The following NMNAT2 variants were observed in gnomAD, a reference collection of about 807,000 sequenced individuals.
NMNAT2 encodes nicotinamide nucleotide adenylyltransferase 2.
A neutral mutation model predicts 41.6 loss-of-function variants in NMNAT2; 11 were observed. The observed-to-expected ratio is 0.26, with a 90% confidence interval of 0.17 to 0.44. The LOEUF (loss-of-function observed/expected upper bound fraction) is 0.44. Ranked by LOEUF, NMNAT2 falls within the 20% of genes least tolerant of loss-of-function variation. The pLI is 1.00. For missense variants in NMNAT2, 288 were observed against 407.7 expected (o/e 0.71, Z 2.53); for synonymous variants, 148 against 151.2 (o/e 0.98, Z 0.16).
chr1:183,416,805 G>A (rs1211870529), intron 1 of NMNAT2, among the ~76,000 whole-genome samples: 2 of 152,088 alleles, frequency 1.3e-5, no homozygotes, highest in African/African-American at 4.8e-5. Context: ...TTTAGCCTAA[G>A]CCACCTCGCC....
At chr1:183,334,291 T>C (rs566987871) in intron 1 of NMNAT2, among the ~76,000 whole-genome samples, 81 of 152,240 alleles carry the variant, frequency 5.3e-4, no homozygotes, top group Middle Eastern at 6.8e-3. Flanking sequence ...GGTCTCAGAC[T>C]CCTGACCTCA....
intron 1 of NMNAT2, among the ~76,000 whole-genome samples, chr1:183,338,535 A>G (rs946170): frequency 0.024 from 3,651 of 152,256 alleles, 134 homozygotes; most frequent in African/African-American, 0.083. Context: ...TGTTCTGATG[A>G]CTCACACGGT....
chr1:183,279,409 T>A (rs1365904351), intron 7 of NMNAT2, among the ~76,000 whole-genome samples: 3 of 152,142 alleles, frequency 2.0e-5, no homozygotes. Context: ...TGGCTCAGGG[T>A]GGAGCACAGC....
chr1:183,273,384 G>A (rs1006943003), intron 8 of NMNAT2, among the ~76,000 whole-genome samples: 1 of 152,230 alleles, frequency 6.6e-6, no homozygotes, highest in African/African-American at 2.4e-5. Flanking sequence ...ATCACTCGGG[G>A]CACCCGATAA....
At chr1:183,399,149 A>G (rs1355001037) in intron 1 of NMNAT2, among the ~76,000 whole-genome samples, 2 of 152,158 alleles carry the variant, frequency 1.3e-5, no homozygotes, top group Non-Finnish European at 2.9e-5. Context: ...GATCAACAAA[A>G]TTGATAGACC....
rs778871332 is a variant in NMNAT2, at chr1:183,252,634, G to C, written c.*7C>G. Reference sequence around the variant, plus strand: ...GGGCCATTGTGTTGCCGGAGGACGAGGGGCTGCTAGCCGGAGGCATTGATG... The same window carrying C: ...GGGCCATTGTGTTGCCGGAGGACGACGGGCTGCTAGCCGGAGGCATTGATG... On this transcript the variant is annotated 3_prime_UTR_variant, in exon 11 of 11. Coordinates refer to ENST00000287713, the MANE Select transcript of NMNAT2 (RefSeq NM_015039.4). 1.9e-6 allele frequency: 3 copies of C among 1,604,144 alleles called. No homozygotes were observed. The East Asian group carries it at 6.7e-5, about 36-fold the overall frequency.
In NMNAT2 at chr1:183,249,140, C is replaced by T. The variant is rs1287799751; in HGVS notation, c.*3501G>A. 1 of 152,182 alleles carries T rather than the reference C, an allele frequency of 6.6e-6. No individual in the cohort carries two copies. The highest frequency in any genetic ancestry group is 1.5e-5 in the Non-Finnish European group (1 of 68,038). The allele number at this position is 152,182 out of a possible 1,614,324, so 9.4% of individuals were successfully genotyped here. The stretch of plus-strand genomic sequence containing the variant: ...CAAGCTGAGACAGGAAGAACGGCGT[C>T]TCTAGAAGCTCTAGCTTTGGGTTTC... On this transcript the variant is annotated 3_prime_UTR_variant, in exon 11 of 11. Transcript: ENST00000287713.
chr1:183,326,034 AG>A (rs1028386267), intron 1 of NMNAT2, among the ~76,000 whole-genome samples: 1 of 152,150 alleles, frequency 6.6e-6, no homozygotes, highest in Non-Finnish European at 1.5e-5. Context: ...GAATCAAGAA[AG>A]GTGGTGTGAG....
At chr1:183,302,133 C>T (rs1661870149) in intron 1 of NMNAT2, among the ~76,000 whole-genome samples, 1 of 152,186 alleles carries the variant, frequency 6.6e-6, no homozygotes, top group Non-Finnish European at 1.5e-5. Flanking sequence ...CTGTGGCCTA[C>T]TAAACTGAGC....
intron 1 of NMNAT2, among the ~76,000 whole-genome samples, chr1:183,397,435 G>A (rs908187041): frequency 2.0e-5 from 3 of 152,186 alleles, no homozygotes; most frequent in Non-Finnish European, 4.4e-5. Context: ...ATCTATGTCT[G>A]ACTGGTGTGC....
intron 1 of NMNAT2, among the ~76,000 whole-genome samples, chr1:183,309,273 T>C (rs1311726867): frequency 6.6e-6 from 1 of 152,180 alleles, no homozygotes; most frequent in Non-Finnish European, 1.5e-5. Context: ...GTGCTGGAAT[T>C]ATAGGCATGA....
At chr1:183,260,489 T>A (rs999867790) in intron 10 of NMNAT2, among the ~76,000 whole-genome samples, 4 of 145,244 alleles carry the variant, frequency 2.8e-5, no homozygotes, top group Non-Finnish European at 6.1e-5. Flanking sequence ...TTAAAGCATC[T>A]AAGACTAGCT....
intron 1 of NMNAT2, among the ~76,000 whole-genome samples, chr1:183,385,114 A>G (rs1648176574): frequency 1.3e-5 from 2 of 152,142 alleles, no homozygotes; most frequent in Admixed American, 6.5e-5. Context: ...AGGCAGGATG[A>G]TCACTTGAGC....
chr1:183,272,127 G>A (rs594488), intron 8 of NMNAT2, among the ~76,000 whole-genome samples: 109,918 of 152,154 alleles, frequency 0.72, 41,126 homozygotes, highest in Middle Eastern at 0.86. Flanking sequence ...CCTACACAAC[G>A]GGTTTTGTTT....
chr1:183,403,576 C>T (rs1228880711), intron 1 of NMNAT2, among the ~76,000 whole-genome samples: 2 of 152,078 alleles, frequency 1.3e-5, no homozygotes, highest in African/African-American at 4.8e-5. Flanking sequence ...CATATGAAAC[C>T]ACAAAGAACC....
chr1:183,249,732 T>TGTGTGTGTG lies in NMNAT2; in HGVS notation c.*2908_*2909insCACACACAC, dbSNP rs59813106. The TGTGTGTGTG allele has an allele frequency of 2.6e-5, 3 of 114,898 alleles. No homozygotes were observed. Among genetic ancestry groups the TGTGTGTGTG allele is most frequent in the South Asian group, 3.0e-4 (1 of 3,310 alleles). 7.1% of individuals were successfully genotyped at this position (114,898 alleles called of 1,614,324 possible). Reference sequence around the variant, plus strand: ...GTGTGTGTGTGTGTGTGTGTGTGTGTTTGGGGGGTAGGGGGTGCGGCGATG... The same window carrying TGTGTGTGTG: ...GTGTGTGTGTGTGTGTGTGTGTGTGTGTGTGTGTGTTGGGGGGTAGGGGGTGCGGCGATG... On this transcript the variant is annotated 3_prime_UTR_variant, in exon 11 of 11. Coordinates refer to ENST00000287713, the MANE Select transcript of NMNAT2 (RefSeq NM_015039.4).
At chr1:183,409,170 CA>C (rs1553223248) in intron 1 of NMNAT2, among the ~76,000 whole-genome samples, 1 of 151,304 alleles carries the variant, frequency 6.6e-6, no homozygotes, top group Non-Finnish European at 1.5e-5. Flanking sequence ...GACAGGGCAA[CA>C]AAGTGAGACC....
chr1:183,336,589 C>G (rs1310876086), intron 1 of NMNAT2, among the ~76,000 whole-genome samples: 1 of 152,160 alleles, frequency 6.6e-6, no homozygotes, highest in African/African-American at 2.4e-5. Context: ...TAGGGAGGAA[C>G]TGGAATTCTC....
At chr1:183,304,848 A>G in intron 1 of NMNAT2, 3 of 1,579,082 alleles carry the variant, frequency 1.9e-6, no homozygotes, top group African/African-American at 2.7e-5. Flanking sequence ...TGTTTGCTCC[A>G]CTACCTCCAG....
Sources: gnomAD v4.1 joint callset for allele counts (sites outside exome capture counted in the v4.1 genomes callset) on GRCh38, gnomAD v4.1.1 for gene constraint, MANE v1.5 for transcripts, NCBI Gene and HGNC (gene_info 2026-07-23, HGNC 2026-07-21) for gene names.